ASH1L: variants seen among roughly 807,000 people sequenced by gnomAD.
ASH1L encodes the protein histone-lysine N-methyltransferase ASH1L.
ASH1L carries 23 observed loss-of-function variants against 269.0 expected under a neutral mutation model. The observed-to-expected ratio is 0.09, with a 90% CI of 0.06 to 0.12. The LOEUF (loss-of-function observed/expected upper bound fraction) is 0.12, where lower values mean the gene tolerates loss of function less well. Ranked by LOEUF, ASH1L falls within the 10% of genes least tolerant of loss-of-function variation. The pLI is 1.00. For missense variants in ASH1L, 2,912 were observed against 3,567.8 expected (o/e 0.82, Z 4.68); for synonymous variants, 1,187 against 1,253.5 (o/e 0.95, Z 1.12).
chr1:155,517,927 A>C (rs1668612074), intron 2 of ASH1L, among the ~76,000 whole-genome samples: 1 of 146,780 alleles, frequency 6.8e-6, no homozygotes, highest in South Asian at 2.2e-4. Context: ...CAGCCTCCCA[A>C]GTAGCTGGGA....
chr1:155,366,370 C>T (rs1247191318), intron 12 of ASH1L, among the ~76,000 whole-genome samples: 3 of 152,144 alleles, frequency 2.0e-5, no homozygotes, highest in African/African-American at 7.2e-5. Flanking sequence ...TAATCCAACC[C>T]GTGTTTAGCA....
chr1:155,347,761 TGAG>T lies in ASH1L; in HGVS notation c.7695_7697del (p.Ser2566del). ...CATGCCCATTCTCCTTTTCAGAGAC[TGAG>T]GTCTCACTGCTGTCTGCCTCACTTG... is the stretch of plus-strand genomic sequence containing the variant. On this transcript the variant is annotated inframe_deletion, in exon 20 of 28. Transcript: ENST00000392403. The T allele has an allele frequency of 6.2e-7, 1 of 1,614,260 alleles. No individual in the cohort carries two copies. Among genetic ancestry groups the T allele is most frequent in the South Asian group, 1.1e-5 (1 of 91,088 alleles).
chr1:155,557,324 G>A (rs765142942), intron 1 of ASH1L, among the ~76,000 whole-genome samples: 19 of 151,792 alleles, frequency 1.3e-4, no homozygotes, highest in Non-Finnish European at 2.5e-4. Flanking sequence ...GTGCAGTGGC[G>A]CAGTCTTGGC....
intron 2 of ASH1L, among the ~76,000 whole-genome samples, chr1:155,486,405 G>A (rs1365496033): frequency 6.6e-6 from 1 of 151,662 alleles, no homozygotes; most frequent in Admixed American, 6.6e-5. Flanking sequence ...GGGGAGGTGG[G>A]GAAGGTTAAT....
chr1:155,422,837 G>C (rs1660815959), intron 5 of ASH1L, among the ~76,000 whole-genome samples: 1 of 151,690 alleles, frequency 6.6e-6, no homozygotes, highest in African/African-American at 2.4e-5. Flanking sequence ...TTTTAATAGA[G>C]ACAGGTTTCA....
At chr1:155,511,468 C>A (rs1294376660) in intron 2 of ASH1L, among the ~76,000 whole-genome samples, 1 of 152,190 alleles carries the variant, frequency 6.6e-6, no homozygotes, top group Non-Finnish European at 1.5e-5. Context: ...CAAGGTATTA[C>A]AATTAAGAGT....
At chr1:155,529,101 T>C (rs879792257) in intron 1 of ASH1L, among the ~76,000 whole-genome samples, 13 of 152,330 alleles carry the variant, frequency 8.5e-5, no homozygotes, top group Admixed American at 2.6e-4. Flanking sequence ...CAGTCTACCA[T>C]TGGTGGGCAT....
chr1:155,504,071 G>A (rs930402840), intron 2 of ASH1L, among the ~76,000 whole-genome samples: 8 of 152,122 alleles, frequency 5.3e-5, no homozygotes, highest in African/African-American at 1.9e-4. Flanking sequence ...ACATTCATTT[G>A]TAAAGAAAAG....
intron 1 of ASH1L, among the ~76,000 whole-genome samples, chr1:155,540,955 GT>G (rs972054007): frequency 2.0e-5 from 3 of 151,174 alleles, no homozygotes. Context: ...TTCCATCTTA[GT>G]TTAAAAGTCA....
Position 155,544,577 on chromosome 1 carries a change from G to A in ASH1L, c.-100+17576C>T, listed in dbSNP as rs1031313655. Among the ~76,000 whole-genome samples, 5 of 152,114 alleles carry A rather than the reference G, an allele frequency of 3.3e-5. No individual in the cohort carries two copies. The South Asian group carries it at 8.3e-4, about 25-fold the overall frequency. On this transcript the variant is annotated intron_variant, in intron 1 of 27. Coordinates refer to ENST00000392403, the MANE Select transcript of ASH1L (RefSeq NM_018489.3). ...GCTGGGATTACAGGCGTAAGCCACC[G>A]TGCCCGGCCGAGAAACCCTTCTTAG...
chr1:155,474,941 T>C (rs1239292459), intron 3 of ASH1L, among the ~76,000 whole-genome samples: 1 of 152,208 alleles, frequency 6.6e-6, no homozygotes, highest in Admixed American at 6.5e-5. Context: ...CATTTAAAAA[T>C]GCAAACCTAA....
chr1:155,500,606 G>A (rs1368253298), intron 2 of ASH1L, among the ~76,000 whole-genome samples: 1 of 152,060 alleles, frequency 6.6e-6, no homozygotes, highest in Non-Finnish European at 1.5e-5. Flanking sequence ...GCAGCCCATA[G>A]GGCACAAGTA....
At chr1:155,560,494 TAACAATTAC>T (rs1429604871) in intron 1 of ASH1L, among the ~76,000 whole-genome samples, 1 of 152,122 alleles carries the variant, frequency 6.6e-6, no homozygotes, top group Non-Finnish European at 1.5e-5. Flanking sequence ...GCACATGTAT[TAACAATTAC>T]CAGAACCCAA....
intron 5 of ASH1L, among the ~76,000 whole-genome samples, chr1:155,432,422 A>C (rs1219798702): frequency 6.6e-6 from 1 of 152,210 alleles, no homozygotes; most frequent in African/African-American, 2.4e-5. Flanking sequence ...AGATTTATTC[A>C]CCACTCTATC....
In ASH1L at chr1:155,559,260, C is replaced by T. The variant is rs573602595; in HGVS notation, c.-100+2893G>A. On this transcript the variant is annotated intron_variant, in intron 1 of 27. Transcript: ENST00000392403. ...TTTATACAAAAACACCAGATGAGGC[C>T]GGGCGCGGTGGCTCACCCCTGTAAT... 1.1e-3 allele frequency among the ~76,000 whole-genome samples: 164 copies of T among 152,198 alleles called. 1 individual carries two copies. Among genetic ancestry groups the T allele is most frequent in the African/African-American group, 3.8e-3 (157 of 41,532 alleles).
intron 5 of ASH1L, among the ~76,000 whole-genome samples, chr1:155,435,589 T>G (rs1177744868): frequency 2.6e-5 from 4 of 151,608 alleles, no homozygotes; most frequent in African/African-American, 9.7e-5. Flanking sequence ...AAAAAATATA[T>G]TCTCTAGAAA....
chr1:155,414,498 G>A (rs1183194883), intron 6 of ASH1L, among the ~76,000 whole-genome samples: 2 of 151,936 alleles, frequency 1.3e-5, no homozygotes, highest in Non-Finnish European at 2.9e-5. Flanking sequence ...TAGTAGAAAC[G>A]GGGTTTCTCC....
At chr1:155,514,810 G>A (rs1009278237) in intron 2 of ASH1L, among the ~76,000 whole-genome samples, 1 of 151,850 alleles carries the variant, frequency 6.6e-6, no homozygotes, top group Non-Finnish European at 1.5e-5. Flanking sequence ...AGCAATCATC[G>A]AAACTGATCC....
intron 1 of ASH1L, among the ~76,000 whole-genome samples, chr1:155,536,448 T>C (rs1468823018): frequency 2.0e-5 from 3 of 152,216 alleles, no homozygotes; most frequent in African/African-American, 7.2e-5. Context: ...AATAACTTGT[T>C]ATCATCCTTG....
Sources: gnomAD v4.1 joint callset for allele counts (sites outside exome capture counted in the v4.1 genomes callset) on GRCh38, gnomAD v4.1.1 for gene constraint, MANE v1.5 for transcripts, NCBI Gene and HGNC (gene_info 2026-07-23, HGNC 2026-07-21) for gene names.